The following PCDHA9 variants were observed in gnomAD, a reference collection of about 807,000 sequenced individuals.
The protein encoded by PCDHA9 is protocadherin alpha-9.
Under a neutral mutation model 62.0 loss-of-function variants are expected in PCDHA9, and 62 were observed. That is an observed-to-expected ratio of 1.00 (90% CI 0.81 to 1.23). The LOEUF is 1.23. Ranked by LOEUF, PCDHA9 falls within the 50% of genes most tolerant of loss-of-function variation. PCDHA9 has a pLI of 0.00. For synonymous variants in PCDHA9, 557 were observed against 567.6 expected (o/e 0.98, Z 0.27); for missense variants, 1,205 against 1,249.8 (o/e 0.96, Z 0.54).
intron 3 of PCDHA9, among the ~76,000 whole-genome samples, chr5:141,008,665 T>A (rs2098385671): frequency 6.6e-6 from 1 of 152,210 alleles, no homozygotes; most frequent in Non-Finnish European, 1.5e-5. Context: ...CACAATACTT[T>A]ACATATACTT....
chr5:140,971,902 T>G (rs1554233695), intron 1 of PCDHA9, among the ~76,000 whole-genome samples: 2 of 152,280 alleles, frequency 1.3e-5, no homozygotes, highest in Admixed American at 1.3e-4. Flanking sequence ...GGTTAGGTAA[T>G]CTACACAGCC....
intron 3 of PCDHA9, among the ~76,000 whole-genome samples, chr5:141,000,419 A>ATTTT (rs1563652468): frequency 3.0e-4 from 18 of 60,988 alleles, no homozygotes; most frequent in East Asian, 5.4e-4. Context: ...ATATATATAT[A>ATTTT]TATTTTTTTT....
At chr5:140,900,014 T>C (rs1002415971) in intron 1 of PCDHA9, among the ~76,000 whole-genome samples, 1 of 152,032 alleles carries the variant, frequency 6.6e-6, no homozygotes, top group African/African-American at 2.4e-5. Flanking sequence ...CTCACTTTGT[T>C]ACCCAGTTTG....
At chr5:140,969,588 T>A in intron 1 of PCDHA9, 1 of 849,870 alleles carries the variant, frequency 1.2e-6, no homozygotes, top group Non-Finnish European at 1.8e-6. Context: ...GGATTAGTCT[T>A]AATATTTAAT....
intron 1 of PCDHA9, chr5:140,869,037 C>A: frequency 1.3e-6 from 2 of 1,528,404 alleles, no homozygotes; most frequent in South Asian, 2.6e-5. Context: ...AGATTTTTAA[C>A]CTGAAACTGA....
In PCDHA9 at chr5:140,849,948, C is replaced by T. The variant is rs2150459540; in HGVS notation, c.1453C>T (p.Gln485Ter). ...GGTGTCTGCGCGGGACGCTGACGCG[C>T]AGGAGAACGCCCTGGTGTCCTACTC... Reference protein sequence around the residue: ...FTVSARDADAQENALVSYSLV... With the variant: ...FTVSARDADA The change falls in exon 1 of 4, where the codon CAG (glutamine) becomes TAG (stop). Residue 485 changes from glutamine (Q) to a stop codon, truncating the protein, a stop_gained. Coordinates refer to ENST00000532602, the MANE Select transcript of PCDHA9 (RefSeq NM_031857.2). LOFTEE classifies it high-confidence loss of function. 4 of 1,597,728 alleles carry T rather than the reference C, an allele frequency of 2.5e-6. 1 individual carries two copies. The East Asian group carries it at 8.9e-5, about 36-fold the overall frequency.
At chr5:140,978,839 CT>C in intron 1 of PCDHA9, 109 bp from the exon 2 acceptor site, 3 of 1,556,998 alleles carry the variant, frequency 1.9e-6, no homozygotes, top group Non-Finnish European at 2.6e-6. Context: ...TCATTCAATA[CT>C]TTTTTAGATG....
chr5:140,852,737 C>T (rs980998080), intron 1 of PCDHA9: 2 of 983,692 alleles, frequency 2.0e-6, no homozygotes, highest in Non-Finnish European at 1.2e-6. Flanking sequence ...GTTTCATGTG[C>T]CATTTAAACT....
rs782392001 is a variant in PCDHA9 at position 140,857,340 on chromosome 5, C to G, written c.2394+6451C>G. 2.5e-6 allele frequency: 4 copies of G among 1,598,236 alleles called. No individual in the cohort carries two copies. The South Asian group carries it at 4.4e-5, about 18-fold the overall frequency. ...GTGGTGACCGCGCGGGACGGGGGCTCGCCTCCGCTGTGGGCCACGGCCAGC... is the reference window on the plus strand; with the variant it reads ...GTGGTGACCGCGCGGGACGGGGGCTGGCCTCCGCTGTGGGCCACGGCCAGC... On this transcript the variant is annotated intron_variant, in intron 1 of 3. Coordinates refer to ENST00000532602, the MANE Select transcript of PCDHA9 (RefSeq NM_031857.2).
chr5:140,936,272 C>T lies in PCDHA9; in HGVS notation c.2395-42677C>T, dbSNP rs1303356923. 2.0e-5 allele frequency among the ~76,000 whole-genome samples: 3 copies of T among 152,254 alleles called. No individual in the cohort carries two copies. In the East Asian group the frequency reaches 5.8e-4, roughly 29 times the overall value. On this transcript the variant is annotated intron_variant, in intron 1 of 3. Transcript: ENST00000532602. Reference sequence around the variant, plus strand: ...TGCTTCAAGTCATGAAGATATATTCCTGTGTTTTCTTCTATAACATTGCTA... The same window carrying T: ...TGCTTCAAGTCATGAAGATATATTCTTGTGTTTTCTTCTATAACATTGCTA...
intron 1 of PCDHA9, among the ~76,000 whole-genome samples, chr5:140,960,408 A>C (rs1006586468): frequency 6.6e-6 from 1 of 152,206 alleles, no homozygotes; most frequent in Admixed American, 6.5e-5. Flanking sequence ...GGGGGTGCCC[A>C]AAAAGTCAAC....
intron 1 of PCDHA9, chr5:140,862,942 G>C (rs75462656): frequency 5.5e-6 from 3 of 542,062 alleles, no homozygotes; most frequent in Admixed American, 3.9e-5. Flanking sequence ...CTGTGAGTGA[G>C]CTGGTGCGGT....
chr5:140,869,600 C>T lies in PCDHA9; in HGVS notation c.2394+18711C>T, dbSNP rs782754801. The stretch of plus-strand genomic sequence containing the variant: ...TCTGATGCTGACATTGAAGAGAATG[C>T]TCTATTGACCTACAGGCTAAGTAAA... On this transcript the variant is annotated intron_variant, in intron 1 of 3. Transcript: ENST00000532602. 1.9e-6 allele frequency: 3 copies of T among 1,613,922 alleles called. No homozygotes were observed. The African/African-American group carries it at 4.0e-5, about 22-fold the overall frequency.
At chr5:140,871,728 G>A in intron 1 of PCDHA9, 1 of 724,824 alleles carries the variant, frequency 1.4e-6, no homozygotes, top group South Asian at 2.4e-5. Flanking sequence ...CTTAATATTT[G>A]GTTAGCAAAT....
intron 1 of PCDHA9, chr5:140,857,693 A>T: frequency 6.3e-7 from 1 of 1,597,022 alleles, no homozygotes; most frequent in Non-Finnish European, 8.6e-7. Context: ...CAGCAACTTG[A>T]CGCTGCAGGT....
chr5:140,901,443 T>C (rs1288584501), intron 1 of PCDHA9, among the ~76,000 whole-genome samples: 2 of 152,202 alleles, frequency 1.3e-5, no homozygotes, highest in Non-Finnish European at 2.9e-5. Flanking sequence ...ATATCTAGTT[T>C]CCCAGCACAG....
chr5:140,862,777 C>T, intron 1 of PCDHA9: 1 of 577,324 alleles, frequency 1.7e-6, no homozygotes, highest in Non-Finnish European at 3.3e-6. Context: ...CGCGTTGCAG[C>T]CACTGGACTA....
chr5:140,864,688 C>G (rs1324668554), intron 1 of PCDHA9: 2 of 152,164 alleles, frequency 1.3e-5, no homozygotes, highest in Admixed American at 1.3e-4. Context: ...CTGCTGTCCT[C>G]CAGTTTAAGT....
intron 1 of PCDHA9, chr5:140,853,038 C>T (rs2150527746): frequency 3.8e-6 from 1 of 265,006 alleles, no homozygotes; most frequent in African/African-American, 2.3e-5. Flanking sequence ...GCCACCATGC[C>T]CGCCTAATTT....
Sources: gnomAD v4.1 joint callset for allele counts (sites outside exome capture counted in the v4.1 genomes callset) on GRCh38, gnomAD v4.1.1 for gene constraint, MANE v1.5 for transcripts, NCBI Gene and HGNC (gene_info 2026-07-23, HGNC 2026-07-21) for gene names.